Variants in TG observed in about 807,000 individuals in gnomAD.
The protein encoded by TG is thyroglobulin.
In TG, 270 loss-of-function variants were observed where a neutral mutation model predicts 324.7. The ratio of observed to expected loss-of-function variants is 0.83; its 90% CI spans 0.75 to 0.92. The LOEUF is 0.92. Ranked by LOEUF, TG falls within the 40% of genes least tolerant of loss-of-function variation. TG has a pLI of 0.00. For synonymous variants in TG, 1,401 were observed against 1,327.0 expected (o/e 1.06, Z -1.21); for missense variants, 3,591 against 3,456.4 (o/e 1.04, Z -0.98).
chr8:132,891,280 G>A (rs1816202895), intron 10 of TG, among the ~76,000 whole-genome samples: 3 of 152,150 alleles, frequency 2.0e-5, no homozygotes. Flanking sequence ...TATAGACGTA[G>A]GAGGGGAGGG....
In TG at chr8:133,033,102, G is replaced by T. The variant is rs899408557; in HGVS notation, c.7239+3079G>T. Among the ~76,000 whole-genome samples, 5 of 152,320 alleles carry T rather than the reference G, an allele frequency of 3.3e-5. No homozygotes were observed. In the East Asian group the frequency reaches 9.7e-4, roughly 29 times the overall value. On this transcript the variant is annotated intron_variant, in intron 41 of 47. Coordinates refer to ENST00000220616, the MANE Select transcript of TG (RefSeq NM_003235.5). ...GATAAAGAGCTGAAGCCTAAGATCA[G>T]ATAGGCCTGCATGAAGATCCTGGTC...
At chr8:133,011,170 C>T (rs944132118) in intron 35 of TG, among the ~76,000 whole-genome samples, 2 of 152,344 alleles carry the variant, frequency 1.3e-5, no homozygotes, top group South Asian at 4.1e-4. Context: ...GATGGCCCCA[C>T]TGATCTTCCA....
chr8:133,095,755 A>T (rs1167632870), intron 42 of TG, among the ~76,000 whole-genome samples: 1 of 152,234 alleles, frequency 6.6e-6, no homozygotes, highest in Non-Finnish European at 1.5e-5. Flanking sequence ...TTGTCATGGC[A>T]ATTGATGGCC....
At chr8:133,056,178 T>TA (rs35029594) in intron 41 of TG, among the ~76,000 whole-genome samples, 1 of 152,144 alleles carries the variant, frequency 6.6e-6, no homozygotes, top group African/African-American at 2.4e-5. Context: ...TTAATTTACT[T>TA]AAAAAAACTT....
At chr8:132,982,520 A>T (rs1831011072) in intron 34 of TG, among the ~76,000 whole-genome samples, 1 of 152,208 alleles carries the variant, frequency 6.6e-6, no homozygotes, top group African/African-American at 2.4e-5. Flanking sequence ...GAAACTGAAA[A>T]TAGAGGAAGT....
chr8:132,945,791 G>A (rs1407569637), intron 26 of TG, among the ~76,000 whole-genome samples: 1 of 152,132 alleles, frequency 6.6e-6, no homozygotes, highest in African/African-American at 2.4e-5. Flanking sequence ...TAGGGTGGGA[G>A]AGCGTTGCAT....
intron 35 of TG, among the ~76,000 whole-genome samples, chr8:132,992,537 C>T (rs903959797): frequency 1.3e-5 from 2 of 152,180 alleles, no homozygotes; most frequent in Admixed American, 1.3e-4. Flanking sequence ...GCTGGAGAGC[C>T]TGCACAGTGT....
At chr8:132,871,213 C>T (rs1390572988) in intron 3 of TG, 135 bp from the exon 4 acceptor site, 5 of 868,296 alleles carry the variant, frequency 5.8e-6, no homozygotes, top group Non-Finnish European at 9.5e-6. Context: ...GCTGCCACCC[C>T]ATCACTGCGT....
At chr8:132,959,841 T>G (rs1283215358) in intron 27 of TG, among the ~76,000 whole-genome samples, 2 of 152,206 alleles carry the variant, frequency 1.3e-5, no homozygotes, top group Non-Finnish European at 2.9e-5. Flanking sequence ...CACCTTTTGT[T>G]GTTGTTGTTC....
At chr8:133,055,406 C>G (rs955583877) in intron 41 of TG, among the ~76,000 whole-genome samples, 3 of 150,320 alleles carry the variant, frequency 2.0e-5, no homozygotes, top group Non-Finnish European at 4.4e-5. Flanking sequence ...CACACACACA[C>G]AGGATTATAC....
intron 45 of TG, among the ~76,000 whole-genome samples, chr8:133,118,478 T>C (rs922062236): frequency 2.0e-5 from 3 of 152,030 alleles, no homozygotes; most frequent in Non-Finnish European, 4.4e-5. Context: ...GCATGCGCCA[T>C]GATTCCCAGC....
Position 132,871,681 on chromosome 8 carries a change from A to C in TG, c.478+130A>C, listed in dbSNP as rs1839495467. The C allele has an allele frequency of 7.2e-6, 6 of 838,296 alleles. No individual in the cohort carries two copies. In the South Asian group the frequency reaches 1.1e-4, roughly 15 times the overall value. The allele number at this position is 838,296 out of a possible 1,614,324, so 51.9% of individuals were successfully genotyped here. On this transcript the variant is annotated intron_variant, in intron 4 of 47. Transcript: ENST00000220616. ...CCAGGCCCTCATTAGGGAAAATGAA[A>C]GCTTCAAAGGGAAGGTTTTATTATT...
chr8:132,910,759 A>G (rs749451726), intron 18 of TG, among the ~76,000 whole-genome samples: 19 of 152,208 alleles, frequency 1.2e-4, no homozygotes, highest in Non-Finnish European at 1.8e-4. Context: ...AGTCTGTGGT[A>G]TTTCGTAATG....
chr8:132,890,615 T>A lies in TG; in HGVS notation c.2761+2047T>A, dbSNP rs192532691. On this transcript the variant is annotated intron_variant, in intron 10 of 47. Coordinates refer to ENST00000220616, the MANE Select transcript of TG (RefSeq NM_003235.5). ...CATGGTTCTACCATCTACTGCTCTG[T>A]GACCTAAGAGAGGCTCTTTTGAGTC... 3.9e-3 allele frequency among the ~76,000 whole-genome samples: 600 copies of A among 152,356 alleles called. 15 individuals carry two copies. Among genetic ancestry groups the A allele is most frequent in the Non-Finnish European group, 1.3e-3 (90 of 68,032 alleles).
chr8:133,060,339 G>A (rs1354458452), intron 41 of TG: 2 of 1,550,340 alleles, frequency 1.3e-6, no homozygotes, highest in Non-Finnish European at 1.7e-6. Context: ...ATGTGAAGAT[G>A]AGATTGGTGA....
chr8:132,943,995 G>T (rs1563985535), intron 26 of TG, among the ~76,000 whole-genome samples: 1 of 152,140 alleles, frequency 6.6e-6, no homozygotes, highest in East Asian at 1.9e-4. Context: ...TGACCTCTCT[G>T]CAGAGGTCGA....
chr8:133,024,074 G>C (rs868816942), intron 40 of TG, among the ~76,000 whole-genome samples: 12 of 152,220 alleles, frequency 7.9e-5, no homozygotes, highest in African/African-American at 2.7e-4. Context: ...AGATCTCTGA[G>C]GCCAGCAGGG....
At chr8:132,925,512 A>AGT (rs1262863949) in intron 22 of TG, among the ~76,000 whole-genome samples, 2 of 67,178 alleles carry the variant, frequency 3.0e-5, no homozygotes, top group African/African-American at 5.1e-5. Flanking sequence ...AGTCCTAAGG[A>AGT]GTGCGTGTGT....
intron 15 of TG, 89 bp from the exon 16 acceptor site, chr8:132,901,264 G>T: frequency 6.6e-7 from 1 of 1,507,212 alleles, no homozygotes; most frequent in East Asian, 2.3e-5. Flanking sequence ...TGGGCTGAGG[G>T]TGGCCGTGGG....
Sources: gnomAD v4.1 joint callset for allele counts (sites outside exome capture counted in the v4.1 genomes callset) on GRCh38, gnomAD v4.1.1 for gene constraint, MANE v1.5 for transcripts, NCBI Gene and HGNC (gene_info 2026-07-23, HGNC 2026-07-21) for gene names.